Variants in TFEC observed in about 807,000 individuals in gnomAD.
The protein encoded by TFEC is transcription factor EC.
Under a neutral mutation model 41.6 loss-of-function variants are expected in TFEC, and 31 were observed. The ratio of observed to expected loss-of-function variants is 0.74; its 90% confidence interval spans 0.56 to 1.01. TFEC has a LOEUF of 1.01. Ranked by LOEUF, TFEC falls within the 50% of genes least tolerant of loss-of-function variation. The pLI is 0.00. For missense variants in TFEC, 402 were observed against 404.1 expected (o/e 0.99, Z 0.04); for synonymous variants, 143 against 140.6 (o/e 1.02, Z -0.12).
At chr7:116,088,050 A>G (rs1797240222) in intron 3 of TFEC, among the ~76,000 whole-genome samples, 1 of 152,100 alleles carries the variant, frequency 6.6e-6, no homozygotes, top group African/African-American at 2.4e-5. Context: ...AACATTCTTT[A>G]TAGGACTTTG....
chr7:115,968,831 A>G (rs895638898), intron 3 of TFEC, among the ~76,000 whole-genome samples: 1 of 151,904 alleles, frequency 6.6e-6, no homozygotes, highest in Non-Finnish European at 1.5e-5. Flanking sequence ...TTCATTAACT[A>G]TATGAACTTG....
intron 1 of TFEC, among the ~76,000 whole-genome samples, chr7:116,134,521 G>A (rs935781347): frequency 4.6e-5 from 7 of 151,984 alleles, no homozygotes; most frequent in Non-Finnish European, 8.8e-5. Flanking sequence ...TTGGGTCTCT[G>A]AAATTTTTTT....
intron 1 of TFEC, among the ~76,000 whole-genome samples, chr7:116,020,978 G>A (rs912332674): frequency 2.0e-5 from 3 of 152,116 alleles, no homozygotes; most frequent in Non-Finnish European, 4.4e-5. Context: ...GCTTACAACA[G>A]ACAATAACCT....
chr7:116,077,734 T>C (rs1476436495), intron 3 of TFEC, among the ~76,000 whole-genome samples: 1 of 152,054 alleles, frequency 6.6e-6, no homozygotes, highest in African/African-American at 2.4e-5. Context: ...ATCACAATCC[T>C]AAATATAGAT....
intron 1 of TFEC, among the ~76,000 whole-genome samples, chr7:116,143,271 C>T (rs1486416814): frequency 6.6e-6 from 1 of 152,190 alleles, no homozygotes; most frequent in Non-Finnish European, 1.5e-5. Flanking sequence ...CTTCAGACCA[C>T]CTGCCTGACT....
rs73448537 is a variant in TFEC at position 116,154,573 on chromosome 7, A to T, written c.-69+5217T>A. On this transcript the variant is annotated intron_variant, in intron 1 of 8. Transcript: ENST00000484212. ...AATGAACAAGGCAGATACATTCCTG[A>T]TCCATGGAAATTACAGACTGCCTAG... Among the ~76,000 whole-genome samples, 458 of 152,344 alleles carry T rather than the reference A, an allele frequency of 3.0e-3. 4 individuals carry two copies. Among genetic ancestry groups the T allele is most frequent in the African/African-American group, 0.011 (443 of 41,584 alleles).
chr7:116,006,686 G>A (rs1236610459), intron 1 of TFEC, among the ~76,000 whole-genome samples: 1 of 152,142 alleles, frequency 6.6e-6, no homozygotes, highest in Non-Finnish European at 1.5e-5. Flanking sequence ...GGGGACTGTT[G>A]GAAAGTCATG....
At chr7:116,066,881 T>C (rs909990007) in intron 3 of TFEC, among the ~76,000 whole-genome samples, 2 of 152,028 alleles carry the variant, frequency 1.3e-5, no homozygotes, top group African/African-American at 4.8e-5. Context: ...ATGTATCCTA[T>C]TAAAGTCAAA....
intron 6 of TFEC, among the ~76,000 whole-genome samples, chr7:115,944,266 T>C (rs968367400): frequency 6.6e-6 from 1 of 151,446 alleles, no homozygotes; most frequent in African/African-American, 2.4e-5. Context: ...ATGTAATTTT[T>C]GTAAACATGG....
At chr7:116,021,991 A>T (rs3910549) in intron 1 of TFEC, among the ~76,000 whole-genome samples, 15,699 of 152,204 alleles carry the variant, frequency 0.1, 1,199 homozygotes, top group East Asian at 0.4. Context: ...AGCACTGGGG[A>T]GAACAGGCTT....
At chr7:116,075,325 A>AC (rs1322088910) in intron 3 of TFEC, among the ~76,000 whole-genome samples, 5 of 152,172 alleles carry the variant, frequency 3.3e-5, no homozygotes, top group Admixed American at 6.5e-5. Flanking sequence ...GTGGAGACTC[A>AC]CATCATGAAA....
intron 3 of TFEC, among the ~76,000 whole-genome samples, chr7:116,108,732 G>A (rs188564882): frequency 3.3e-5 from 5 of 151,978 alleles, no homozygotes; most frequent in African/African-American, 4.8e-5. Context: ...TCCTACCCCA[G>A]TACAAAAATT....
At chr7:115,997,039 C>G (rs533947723) in intron 1 of TFEC, among the ~76,000 whole-genome samples, 10 of 152,276 alleles carry the variant, frequency 6.6e-5, no homozygotes, top group Admixed American at 3.9e-4. Context: ...ACAAGTCTGG[C>G]TGACTTTACT....
At chr7:115,966,463 T>C (rs1002646524) in intron 3 of TFEC, among the ~76,000 whole-genome samples, 1 of 151,770 alleles carries the variant, frequency 6.6e-6, no homozygotes, top group Non-Finnish European at 1.5e-5. Context: ...AAACCAAGCA[T>C]ATTTCATAGT....
intron 3 of TFEC, among the ~76,000 whole-genome samples, chr7:116,062,560 C>CATATATATATATATATAT (rs57742551): frequency 6.9e-5 from 7 of 101,702 alleles, no homozygotes; most frequent in East Asian, 2.9e-4. Flanking sequence ...GAGTAGTACT[C>CATATATATATATATATAT]ATATATATAT....
chr7:116,088,730 T>C (rs116161915), intron 3 of TFEC, among the ~76,000 whole-genome samples: 26 of 152,204 alleles, frequency 1.7e-4, no homozygotes, highest in African/African-American at 6.3e-4. Context: ...TTCACATTTG[T>C]TCCTTTTCAT....
intron 3 of TFEC, among the ~76,000 whole-genome samples, chr7:116,081,009 G>C (rs1162419092): frequency 6.7e-6 from 1 of 149,916 alleles, no homozygotes; most frequent in Middle Eastern, 3.5e-3. Context: ...GTGTGTGTGT[G>C]TGTGTGTATA....
intron 1 of TFEC, among the ~76,000 whole-genome samples, chr7:115,994,852 T>C (rs1321689331): frequency 1.3e-5 from 2 of 152,188 alleles, no homozygotes; most frequent in Non-Finnish European, 2.9e-5. Flanking sequence ...GCTGGGTATA[T>C]ACCCAAAGGA....
Position 115,949,656 on chromosome 7 carries a change from G to A in TFEC, c.515+1218C>T, listed in dbSNP as rs1302842672. Among the ~76,000 whole-genome samples, 8 of 151,910 alleles carry A rather than the reference G, an allele frequency of 5.3e-5. No homozygotes were observed. In the South Asian group the frequency reaches 1.2e-3, roughly 24 times the overall value. On this transcript the variant is annotated intron_variant, in intron 6 of 7. Transcript: ENST00000265440. ...AAAACTGGCTAGCCATATGGAGAAA[G>A]CTGAAACTGGATCCCTTCCTTACAC...
Sources: allele counts gnomAD v4.1 joint callset (sites outside exome capture counted in the v4.1 genomes callset), GRCh38; gene constraint gnomAD v4.1.1; transcripts MANE v1.5; gene names NCBI Gene and HGNC (gene_info 2026-07-23, HGNC 2026-07-21).